Variants in PDE12 observed in about 807,000 individuals in gnomAD.
PDE12 encodes the protein phosphodiesterase 12.
A neutral mutation model predicts 45.4 loss-of-function variants in PDE12; 26 were observed. The ratio of observed to expected loss-of-function variants is 0.57; its 90% CI spans 0.42 to 0.79. PDE12 has a LOEUF of 0.79. Ranked by LOEUF, PDE12 falls within the 30% of genes least tolerant of loss-of-function variation. The pLI, the probability that PDE12 is intolerant of heterozygous loss-of-function variation, is 0.00. For missense variants in PDE12, 668 were observed against 790.0 expected (o/e 0.85, Z 1.85); for synonymous variants, 283 against 323.9 (o/e 0.87, Z 1.36).
chr3:57,591,694 T>C, the PDE12 span, among the ~76,000 whole-genome samples: 23 of 152,138 alleles, frequency 1.5e-4, 1 homozygote, highest in Admixed American at 1.4e-3. Flanking sequence ...CTCGAACTCC[T>C]GACCTCGTGA....
At chr3:57,574,427 AAG>A in the PDE12 span, among the ~76,000 whole-genome samples, 2 of 112,332 alleles carry the variant, frequency 1.8e-5, no homozygotes. Context: ...TTTTTTTTTA[AAG>A]AAACAGTCTT....
chr3:57,633,181 G>A, the PDE12 span: 1 of 1,158,608 alleles, frequency 8.6e-7, no homozygotes, highest in Non-Finnish European at 1.3e-6. Context: ...CACAACTTAA[G>A]ATATGGTTTT....
At chr3:57,629,668 C>A in the PDE12 span, among the ~76,000 whole-genome samples, 12 of 150,558 alleles carry the variant, frequency 8.0e-5, no homozygotes, top group African/African-American at 2.9e-4. Flanking sequence ...CCTGCCACCA[C>A]GCCCGGCTAA....
At chr3:57,628,177 T>C in the PDE12 span, 2 of 1,599,016 alleles carry the variant, frequency 1.3e-6, no homozygotes, top group South Asian at 2.2e-5. Flanking sequence ...TGCTTCATGA[T>C]GCATAATCCT....
At chr3:57,630,484 C>T in the PDE12 span, 2 of 1,592,962 alleles carry the variant, frequency 1.3e-6, no homozygotes, top group East Asian at 4.5e-5. Context: ...TCCTCCGGGT[C>T]TTAAACCAGC....
chr3:57,647,825 C>T, the PDE12 span, among the ~76,000 whole-genome samples: 2 of 145,244 alleles, frequency 1.4e-5, no homozygotes, highest in South Asian at 4.4e-4. Context: ...GACAGAGTAA[C>T]CTGAATGAGA....
At chr3:57,605,732 G>C in the PDE12 span, among the ~76,000 whole-genome samples, 1 of 152,136 alleles carries the variant, frequency 6.6e-6, no homozygotes, top group Non-Finnish European at 1.5e-5. Flanking sequence ...ACCATCATGA[G>C]AGTAATTGAT....
Position 57,557,236 on chromosome 3 carries a change from CGAA to C in PDE12, c.862_864del (p.Lys288del). On this transcript the variant is annotated inframe_deletion, in exon 1 of 3. Transcript: ENST00000311180. ...ACTTTTGACCACCGGCATCTCTACA[CGAA>C]GAAGGTGACTGAGGACGCTCTCATC... The C allele has an allele frequency of 1.2e-6, 2 of 1,614,002 alleles. No individual in the cohort carries two copies. Among genetic ancestry groups the C allele is most frequent in the South Asian group, 1.1e-5 (1 of 91,086 alleles).
the PDE12 span, chr3:57,646,455 A>C: frequency 1.3e-6 from 2 of 1,598,008 alleles, no homozygotes; most frequent in Non-Finnish European, 8.5e-7. Flanking sequence ...GGTGATGCAC[A>C]GTAGAAATAC....
the PDE12 span, among the ~76,000 whole-genome samples, chr3:57,612,374 A>G: frequency 1.3e-5 from 2 of 152,174 alleles, no homozygotes; most frequent in African/African-American, 4.8e-5. Flanking sequence ...CATGTACCCT[A>G]GAACTTAAAG....
the PDE12 span, among the ~76,000 whole-genome samples, chr3:57,594,082 C>A: frequency 1.3e-5 from 2 of 151,968 alleles, no homozygotes; most frequent in African/African-American, 4.8e-5. Flanking sequence ...ATGGTGAAAC[C>A]CCGTCTCTAC....
chr3:57,616,453 AGTAG>A, the PDE12 span, among the ~76,000 whole-genome samples: 5 of 150,988 alleles, frequency 3.3e-5, no homozygotes, highest in Admixed American at 1.3e-4. Flanking sequence ...GAAGATGAAG[AGTAG>A]GAGGAGGAGA....
chr3:57,576,380 G>T, the PDE12 span, among the ~76,000 whole-genome samples: 1 of 152,022 alleles, frequency 6.6e-6, no homozygotes, highest in Non-Finnish European at 1.5e-5. Context: ...TTTCTTTGAG[G>T]GTGATGAAAA....
the PDE12 span, chr3:57,630,286 G>A: frequency 1.4e-6 from 1 of 701,056 alleles, no homozygotes; most frequent in East Asian, 3.0e-5. Flanking sequence ...TTGGCACATA[G>A]CACATGATCT....
At chr3:57,632,646 T>C in the PDE12 span, among the ~76,000 whole-genome samples, 6 of 152,224 alleles carry the variant, frequency 3.9e-5, no homozygotes, top group African/African-American at 1.4e-4. Context: ...TTACTTTATA[T>C]TAATAACTGC....
At chr3:57,620,180 C>G in the PDE12 span, among the ~76,000 whole-genome samples, 1 of 152,084 alleles carries the variant, frequency 6.6e-6, no homozygotes, top group Non-Finnish European at 1.5e-5. Context: ...TGAGATCGTG[C>G]CACTGCACTC....
the PDE12 span, among the ~76,000 whole-genome samples, chr3:57,612,413 TTAAAG>T: frequency 1.1e-4 from 16 of 152,166 alleles, no homozygotes; most frequent in African/African-American, 3.6e-4. Context: ...TGTATATACC[TTAAAG>T]TAACCACTAA....
chr3:57,594,629 G>C, the PDE12 span, among the ~76,000 whole-genome samples: 3 of 152,126 alleles, frequency 2.0e-5, no homozygotes, highest in African/African-American at 7.2e-5. Flanking sequence ...ATAGTAGTTT[G>C]GCAAACCTGA....
At position 57,561,734 on chromosome 3, in the gene PDE12, C is replaced by T. The variant is rs2069730955; in HGVS notation, c.*1730C>T. 9.1e-6 allele frequency: 9 copies of T among 984,726 alleles called. No homozygotes were observed. Among genetic ancestry groups the T allele is most frequent in the Non-Finnish European group, 9.6e-6 (8 of 829,470 alleles). 61.0% of individuals were successfully genotyped at this position (984,726 alleles called of 1,614,324 possible). A position where few individuals can be genotyped will look rare whatever the true frequency, so the allele number is the denominator to read the frequency against. Reference sequence around the variant, plus strand: ...GTTTCAAATTCTTTAATCTCTGAACCTAGTATCATAAGAATTTCCTCTTTT... The same window carrying T: ...GTTTCAAATTCTTTAATCTCTGAACTTAGTATCATAAGAATTTCCTCTTTT... On this transcript the variant is annotated 3_prime_UTR_variant, in exon 3 of 3. Transcript: ENST00000311180.
Sources: allele counts gnomAD v4.1 joint callset (sites outside exome capture counted in the v4.1 genomes callset), GRCh38; gene constraint gnomAD v4.1.1; transcripts MANE v1.5; gene names NCBI Gene and HGNC (gene_info 2026-07-23, HGNC 2026-07-21).